The following ADD1 variants were observed in gnomAD, a reference collection of about 807,000 sequenced individuals.
The protein encoded by ADD1 is adducin 1.
Under a neutral mutation model 80.5 loss-of-function variants are expected in ADD1, and 24 were observed. That is an observed-to-expected ratio of 0.30 (90% CI 0.22 to 0.42). The LOEUF (loss-of-function observed/expected upper bound fraction) is 0.42, where lower values mean the gene tolerates loss of function less well. ADD1 is among the 10% of genes least tolerant of loss of function. The probability of loss-of-function intolerance (pLI) is 1.00; values close to 1 mark genes in which losing one functional copy is unlikely to be tolerated. For missense variants in ADD1, 948 were observed against 1,019.0 expected, an observed-to-expected ratio of 0.93 and a Z score of 0.95; for synonymous variants, 373 against 393.8, an observed-to-expected ratio of 0.95 and a Z score of 0.63.
intron 3 of ADD1, among the ~76,000 whole-genome samples, chr4:2,882,319 C>A (rs1414563871): frequency 6.6e-6 from 1 of 152,162 alleles, no homozygotes; most frequent in Admixed American, 6.5e-5. Flanking sequence ...CTTCCCAGCC[C>A]CTATGTAGAT....
chr4:2,872,127 A>G (rs2108874044), intron 1 of ADD1, among the ~76,000 whole-genome samples: 1 of 152,324 alleles, frequency 6.6e-6, no homozygotes, highest in South Asian at 2.1e-4. Flanking sequence ...TTTGAGTGAC[A>G]TCTGGGGGAT....
At chr4:2,854,256 G>A (rs567516412) in intron 1 of ADD1, among the ~76,000 whole-genome samples, 19 of 152,216 alleles carry the variant, frequency 1.2e-4, no homozygotes, top group East Asian at 3.9e-4. Flanking sequence ...CCTAGGAGGC[G>A]TAGGCTGCAG....
intron 14 of ADD1, among the ~76,000 whole-genome samples, chr4:2,924,575 G>A (rs112269198): frequency 7.2e-5 from 11 of 152,328 alleles, no homozygotes; most frequent in Admixed American, 5.2e-4. Flanking sequence ...CTGGGCCGTC[G>A]TCATCCTGGG....
chr4:2,859,448 A>G (rs1438326821), intron 1 of ADD1, among the ~76,000 whole-genome samples: 1 of 152,236 alleles, frequency 6.6e-6, no homozygotes, highest in African/African-American at 2.4e-5. Context: ...ATACATCAAG[A>G]TCTCAACAGA....
chr4:2,844,456 C>G (rs894980117), intron 1 of ADD1: 7 of 152,240 alleles, frequency 4.6e-5, no homozygotes, highest in Non-Finnish European at 7.3e-5. Flanking sequence ...TATTTAAAAA[C>G]GACGGCTTCT....
At chr4:2,862,447 A>G (rs985419949) in intron 1 of ADD1, among the ~76,000 whole-genome samples, 8 of 152,218 alleles carry the variant, frequency 5.3e-5, no homozygotes, top group African/African-American at 1.7e-4. Context: ...AACTGTCTCA[A>G]TGCTTAAAGA....
Position 2,882,124 on chromosome 4 carries a change from CT to C in ADD1, c.358+65del, listed in dbSNP as rs1368193694. The stretch of plus-strand genomic sequence containing the variant: ...TTCAGGTAAAATTTCCTGAAGATTG[CT>C]CATGTGAAATAAGTGGGCATTTAAC... On this transcript the variant is annotated intron_variant, in intron 3 of 15. Coordinates refer to ENST00000683351, the MANE Select transcript of ADD1 (RefSeq NM_001354761.2). 5 of 1,450,894 alleles carry C rather than the reference CT, an allele frequency of 3.4e-6. No homozygotes were observed. In the East Asian group the frequency reaches 1.2e-4, roughly 35 times the overall value. 89.9% of individuals were successfully genotyped at this position (1,450,894 alleles called of 1,614,324 possible).
chr4:2,875,171 G>A (rs549234160), intron 1 of ADD1, among the ~76,000 whole-genome samples: 1 of 152,304 alleles, frequency 6.6e-6, no homozygotes, highest in African/African-American at 2.4e-5. Flanking sequence ...TGAGGTTGCA[G>A]TGAGCTGTGA....
At chr4:2,905,526 G>GTCT (rs1263194343) in intron 10 of ADD1, 1 of 185,666 alleles carries the variant, frequency 5.4e-6, no homozygotes, top group East Asian at 1.4e-4. Context: ...AGTTTCTTAA[G>GTCT]TCTTCAGTGT....
At chr4:2,888,723 T>C (rs1283240677) in intron 4 of ADD1, among the ~76,000 whole-genome samples, 1 of 152,066 alleles carries the variant, frequency 6.6e-6, no homozygotes, top group Non-Finnish European at 1.5e-5. Flanking sequence ...CAGCCAATAA[T>C]GAAAAATTTT....
At chr4:2,845,157 C>A (rs1458066206) in intron 1 of ADD1, among the ~76,000 whole-genome samples, 1 of 152,122 alleles carries the variant, frequency 6.6e-6, no homozygotes, top group Non-Finnish European at 1.5e-5. Flanking sequence ...ACTGCAATCT[C>A]CGCCTCCCAG....
intron 1 of ADD1, among the ~76,000 whole-genome samples, chr4:2,869,532 G>A (rs995346235): frequency 1.3e-5 from 2 of 152,180 alleles, no homozygotes; most frequent in Admixed American, 1.3e-4. Flanking sequence ...TGAGGAACTG[G>A]GGGTTAGGGC....
At chr4:2,860,286 T>C (rs535060671) in intron 1 of ADD1, among the ~76,000 whole-genome samples, 2 of 152,332 alleles carry the variant, frequency 1.3e-5, no homozygotes, top group South Asian at 4.1e-4. Flanking sequence ...TTATCAACTT[T>C]GGGAATTGAC....
intron 13 of ADD1, among the ~76,000 whole-genome samples, chr4:2,913,198 T>G (rs1338325876): frequency 6.6e-6 from 1 of 152,238 alleles, no homozygotes; most frequent in Non-Finnish European, 1.5e-5. Flanking sequence ...AACCACTTGA[T>G]TTAAATGAAC....
At chr4:2,916,027 C>T (rs1028462698) in intron 14 of ADD1, among the ~76,000 whole-genome samples, 2 of 151,978 alleles carry the variant, frequency 1.3e-5, no homozygotes, top group Admixed American at 1.3e-4. Flanking sequence ...ACAGCAGGAC[C>T]GAGGGGCAAC....
intron 13 of ADD1, among the ~76,000 whole-genome samples, chr4:2,911,644 C>G (rs1738078703): frequency 6.6e-6 from 1 of 151,768 alleles, no homozygotes; most frequent in African/African-American, 2.4e-5. Flanking sequence ...TTTGTAGAGA[C>G]TGGGTTCCGC....
chr4:2,920,539 ATAGT>A (rs1216963673), intron 14 of ADD1, among the ~76,000 whole-genome samples: 10 of 151,996 alleles, frequency 6.6e-5, no homozygotes, highest in South Asian at 4.1e-4. Flanking sequence ...TATATTTAAG[ATAGT>A]TAGTTCTTGT....
chr4:2,928,738 A>C lies in ADD1; in HGVS notation c.*215A>C, dbSNP rs75083667. 1.9e-4 allele frequency: 98 copies of C among 526,702 alleles called. No individual in the cohort carries two copies. The African/African-American group carries it at 1.9e-3, about 10-fold the overall frequency. The allele number at this position is 526,702 out of a possible 1,614,324, so 32.6% of individuals were successfully genotyped here. ...CTGCCCCTTGTCCTCTCAGAGCCTCAGCTTCTGGGGGAGACATGCTCTCCC... is the reference window on the plus strand; with the variant it reads ...CTGCCCCTTGTCCTCTCAGAGCCTCCGCTTCTGGGGGAGACATGCTCTCCC... On this transcript the variant is annotated 3_prime_UTR_variant, in exon 16 of 16. Coordinates refer to ENST00000683351, the MANE Select transcript of ADD1 (RefSeq NM_001354761.2).
At chr4:2,873,383 G>A (rs1730759455) in intron 1 of ADD1, among the ~76,000 whole-genome samples, 1 of 152,222 alleles carries the variant, frequency 6.6e-6, no homozygotes, top group Admixed American at 6.5e-5. Context: ...GGTTTGTACT[G>A]CAAAGTAGAA....
Sources: gnomAD v4.1 joint callset for allele counts (sites outside exome capture counted in the v4.1 genomes callset) on GRCh38, gnomAD v4.1.1 for gene constraint, MANE v1.5 for transcripts, NCBI Gene and HGNC (gene_info 2026-07-23, HGNC 2026-07-21) for gene names.